Variants in EPHB2 observed in about 807,000 individuals in gnomAD.
EPHB2 encodes the protein ephrin type-B receptor 2.
EPHB2 carries 18 observed loss-of-function variants against 96.4 expected under a neutral mutation model. The observed-to-expected ratio is 0.19, with a 90% confidence interval of 0.13 to 0.28. The LOEUF is 0.28. EPHB2 is among the 10% of genes least tolerant of loss of function. EPHB2 has a pLI of 1.00. For synonymous variants in EPHB2, 506 were observed against 534.1 expected (o/e 0.95, Z 0.72); for missense variants, 989 against 1,355.4 (o/e 0.73, Z 4.25).
chr1:22,723,219 T>C (rs1643507196), intron 1 of EPHB2, among the ~76,000 whole-genome samples: 1 of 152,198 alleles, frequency 6.6e-6, no homozygotes, highest in Admixed American at 6.5e-5. Flanking sequence ...GTGGGATGCG[T>C]CCCGCCTGAA....
chr1:22,884,193 G>A (rs982689638), intron 6 of EPHB2, among the ~76,000 whole-genome samples: 4 of 152,224 alleles, frequency 2.6e-5, no homozygotes, highest in Non-Finnish European at 5.9e-5. Flanking sequence ...AGAGACATGA[G>A]TGATGGAGCC....
At chr1:22,828,474 C>T (rs1444087762) in intron 3 of EPHB2, among the ~76,000 whole-genome samples, 5 of 152,132 alleles carry the variant, frequency 3.3e-5, no homozygotes, top group African/African-American at 9.7e-5. Flanking sequence ...AATCCTTGTT[C>T]TGGCAGGAAG....
chr1:22,863,322 A>C, intron 4 of EPHB2, 130 bp downstream of exon 4: 1 of 1,488,302 alleles, frequency 6.7e-7, no homozygotes, highest in African/African-American at 1.4e-5. Flanking sequence ...GAAATGGAAA[A>C]GTGCTCAAGA....
chr1:22,885,617 G>C (rs1255593489), intron 6 of EPHB2, among the ~76,000 whole-genome samples: 2 of 152,230 alleles, frequency 1.3e-5, no homozygotes, highest in African/African-American at 4.8e-5. Flanking sequence ...TCCATAACTT[G>C]CCCAAGAGGA....
intron 1 of EPHB2, among the ~76,000 whole-genome samples, chr1:22,737,633 T>C (rs1266208633): frequency 6.6e-6 from 1 of 152,154 alleles, no homozygotes; most frequent in Non-Finnish European, 1.5e-5. Context: ...TGATTAACAA[T>C]TCTTATAACA....
rs1639859713 is a variant in EPHB2 at position 22,904,896 on chromosome 1, C to G, written c.1766-1091C>G. Among the ~76,000 whole-genome samples, 4 of 152,342 alleles carry G rather than the reference C, an allele frequency of 2.6e-5. No individual in the cohort carries two copies. In the South Asian group the frequency reaches 8.3e-4, roughly 32 times the overall value. ...TGAGCAGGGTTGATGGCCTCACGCA[C>G]CAACCAGCCAAGCCTTATGGTGACC... On this transcript the variant is annotated intron_variant, in intron 9 of 15. Coordinates refer to ENST00000374630, the MANE Select transcript of EPHB2 (RefSeq NM_017449.5).
intron 3 of EPHB2, among the ~76,000 whole-genome samples, chr1:22,832,051 G>A (rs567458384): frequency 6.6e-6 from 1 of 152,214 alleles, no homozygotes; most frequent in Non-Finnish European, 1.5e-5. Flanking sequence ...CTCTCTTGCA[G>A]TCCAGGAGGA....
At chr1:22,806,504 C>CGGACGGACGGACGGAT (rs1463257366) in intron 3 of EPHB2, among the ~76,000 whole-genome samples, 1 of 148,600 alleles carries the variant, frequency 6.7e-6, no homozygotes, top group African/African-American at 2.6e-5. Flanking sequence ...GACGGACGGA[C>CGGACGGACGGACGGAT]GGATGGATGG....
At chr1:22,774,057 C>G (rs1195122274) in intron 1 of EPHB2, among the ~76,000 whole-genome samples, 3 of 152,348 alleles carry the variant, frequency 2.0e-5, no homozygotes, top group South Asian at 2.1e-4. Flanking sequence ...GATTGCCCAG[C>G]CTTCCCCGAT....
chr1:22,873,162 TG>T (rs1269569657), intron 5 of EPHB2, among the ~76,000 whole-genome samples: 11 of 152,228 alleles, frequency 7.2e-5, no homozygotes, highest in Non-Finnish European at 1.0e-4. Context: ...CTTAGCTAGC[TG>T]GGGAGTCTCA....
rs66554696 is a variant in EPHB2 at position 22,788,753 on chromosome 1, GTTTTT to G, written c.811+3692_811+3696del. 4.5e-5 allele frequency among the ~76,000 whole-genome samples: 6 copies of G among 134,170 alleles called. 1 individual carries two copies. The highest frequency in any genetic ancestry group is 1.5e-4 in the African/African-American group (5 of 34,110). The allele number at this position is 134,170 out of a possible 152,430, so 88.0% of individuals were successfully genotyped here. On this transcript the variant is annotated intron_variant, in intron 3 of 15. Transcript: ENST00000374630. ...TTTTGTTTTTTTGTCTTTTGTTTTT[GTTTTT>G]TTTTTTTTTTTTTTGTGACAGGGTC...
chr1:22,880,213 C>T (rs1461044336), intron 5 of EPHB2, among the ~76,000 whole-genome samples: 5 of 152,154 alleles, frequency 3.3e-5, no homozygotes, highest in Non-Finnish European at 5.9e-5. Flanking sequence ...GGCAGAGAGG[C>T]AGTCTAGGGA....
At chr1:22,801,966 C>T (rs540200582) in intron 3 of EPHB2, among the ~76,000 whole-genome samples, 5 of 152,340 alleles carry the variant, frequency 3.3e-5, no homozygotes, top group Middle Eastern at 3.4e-3. Context: ...CCTCCGAGCA[C>T]GCTCAGCCAA....
At chr1:22,825,146 C>G (rs1484535427) in intron 3 of EPHB2, among the ~76,000 whole-genome samples, 1 of 152,230 alleles carries the variant, frequency 6.6e-6, no homozygotes, top group Non-Finnish European at 1.5e-5. Flanking sequence ...AACCTGGATT[C>G]CTGTGTGACC....
intron 6 of EPHB2, among the ~76,000 whole-genome samples, chr1:22,884,893 A>G (rs1223384973): frequency 1.3e-5 from 2 of 152,098 alleles, no homozygotes; most frequent in Non-Finnish European, 2.9e-5. Flanking sequence ...TTTAAGTGTT[A>G]TGGAGTAATT....
At chr1:22,852,295 C>T (rs893609331) in intron 3 of EPHB2, among the ~76,000 whole-genome samples, 3 of 152,204 alleles carry the variant, frequency 2.0e-5, no homozygotes, top group Admixed American at 1.3e-4. Flanking sequence ...AACCTCCCAG[C>T]AGCCCATTTT....
rs1022664595 is a variant in EPHB2 at position 22,858,703 on chromosome 1, T to C, written c.812-4334T>C. ...TGTGGGCAGTGGCCACCCAGACCTC[T>C]CAGAGGTAGCTGATGGGAGCTGAGG... On this transcript the variant is annotated intron_variant, in intron 3 of 15. Transcript: ENST00000374630. This position sits in a 1 kb window ranked among gnomAD's most constrained non-coding sequence, Gnocchi z 7.7. Among the ~76,000 whole-genome samples the C allele has an allele frequency of 6.6e-6, 1 of 152,056 alleles. No individual in the cohort carries two copies. The highest frequency in any genetic ancestry group is 1.5e-5 in the Non-Finnish European group (1 of 67,990).
chr1:22,865,177 A>C lies in EPHB2; in HGVS notation c.1268A>C (p.Gln423Pro), dbSNP rs1376751089. 1 of 1,614,208 alleles carries C rather than the reference A, an allele frequency of 6.2e-7. No individual in the cohort carries two copies. Among genetic ancestry groups the C allele is most frequent in the Non-Finnish European group, 8.5e-7 (1 of 1,180,038 alleles). Reference sequence around the variant, plus strand: ...ACTGACCAGAGCCCCTTCTCGCCTCAGTTCGCCTCTGTGAACATCACCACC... The same window carrying C: ...ACTGACCAGAGCCCCTTCTCGCCTCCGTTCGCCTCTGTGAACATCACCACC... ...GVTDQSPFSPQFASVNITTNQ... is the reference protein window; with the variant it reads ...GVTDQSPFSPPFASVNITTNQ... The change falls in exon 5 of 16, where the codon CAG becomes CCG. Residue 423 changes from glutamine to proline, a missense_variant. Transcript: ENST00000374630.
At chr1:22,901,805 G>A (rs1219332915) in intron 9 of EPHB2, among the ~76,000 whole-genome samples, 1 of 132,878 alleles carries the variant, frequency 7.5e-6, no homozygotes, top group African/African-American at 3.0e-5. Context: ...ATTTAACTTC[G>A]TGTGTGTGTG....
Sources: gnomAD v4.1 joint callset for allele counts (sites outside exome capture counted in the v4.1 genomes callset) on GRCh38, gnomAD v4.1.1 for gene constraint, Gnocchi (gnomAD v3.1) non-coding constraint, MANE v1.5 for transcripts, NCBI Gene and HGNC (gene_info 2026-07-23, HGNC 2026-07-21) for gene names.